The following UGT1A10 variants were observed in gnomAD, a reference collection of about 807,000 sequenced individuals.
The protein encoded by UGT1A10 is UDP glucuronosyltransferase family 1 member A10.
UGT1A10 carries 49 observed loss-of-function variants against 45.8 expected under a neutral mutation model. The ratio of observed to expected loss-of-function variants is 1.07; its 90% CI spans 0.85 to 1.36. UGT1A10 has a LOEUF of 1.36. Ranked by LOEUF, UGT1A10 falls within the 40% of genes most tolerant of loss-of-function variation. The pLI is 0.00. For missense variants in UGT1A10, 745 were observed against 668.6 expected, an observed-to-expected ratio of 1.11 and a Z score of -1.26; for synonymous variants, 284 against 249.7, an observed-to-expected ratio of 1.14 and a Z score of -1.29.
At chr2:233,715,608 C>T (rs944774331) in intron 1 of UGT1A10, among the ~76,000 whole-genome samples, 2 of 151,816 alleles carry the variant, frequency 1.3e-5, no homozygotes, top group Non-Finnish European at 2.9e-5. Flanking sequence ...TCCATCTCTA[C>T]AAAAAATTAA....
intron 1 of UGT1A10, among the ~76,000 whole-genome samples, chr2:233,683,627 A>G (rs1205357250): frequency 2.0e-5 from 3 of 152,166 alleles, no homozygotes; most frequent in South Asian, 4.1e-4. Flanking sequence ...TTTTATTTCC[A>G]TAAATAAAAT....
chr2:233,765,404 C>T (rs746281443), intron 1 of UGT1A10, among the ~76,000 whole-genome samples: 4 of 152,166 alleles, frequency 2.6e-5, no homozygotes, highest in Non-Finnish European at 2.9e-5. Flanking sequence ...GGTACATATA[C>T]ACCATGGAAT....
chr2:233,709,769 A>G (rs1412530011), intron 1 of UGT1A10, among the ~76,000 whole-genome samples: 2 of 152,208 alleles, frequency 1.3e-5, no homozygotes, highest in African/African-American at 4.8e-5. Flanking sequence ...TATTATTTAC[A>G]TGCAATAAAG....
At position 233,693,383 on chromosome 2, in the gene UGT1A10, C is replaced by G. The variant is rs201638322; in HGVS notation, c.855+56006C>G. On this transcript the variant is annotated intron_variant, in intron 1 of 4. Transcript: ENST00000344644. ...TATTGGCCTGTACTTCATCAACTGC[C>G]AGAGCCTCCTGCAGGACAGGGACAC... 12 of 1,614,036 alleles carry G rather than the reference C, an allele frequency of 7.4e-6. No homozygotes were observed. The African/African-American group carries it at 1.2e-4, about 16-fold the overall frequency.
chr2:233,729,675 G>A, intron 1 of UGT1A10: 1 of 1,613,858 alleles, frequency 6.2e-7, no homozygotes, highest in Non-Finnish European at 8.5e-7. Flanking sequence ...TAGACTTTAA[G>A]GGCACACAGT....
At chr2:233,760,797 C>T in intron 1 of UGT1A10, 1 of 1,613,492 alleles carries the variant, frequency 6.2e-7, no homozygotes, top group Non-Finnish European at 8.5e-7. Context: ...CCACTGTATT[C>T]TTCTTGCATG....
chr2:233,731,132 CTA>C (rs1206897988), intron 1 of UGT1A10, among the ~76,000 whole-genome samples: 3 of 152,006 alleles, frequency 2.0e-5, no homozygotes, highest in African/African-American at 7.3e-5. Flanking sequence ...GCAAAAGACT[CTA>C]AGCTTCATTT....
Position 233,650,859 on chromosome 2 carries a change from T to C in UGT1A10, c.855+13482T>C, listed in dbSNP as rs536343318. On this transcript the variant is annotated intron_variant, in intron 1 of 4. Coordinates refer to ENST00000344644, the MANE Select transcript of UGT1A10 (RefSeq NM_019075.4). Reference sequence around the variant, plus strand: ...ATCCATGCTTAAGTTTTTCATAATATGAATTTTCATGAATTGTTTGATGAT... The same window carrying C: ...ATCCATGCTTAAGTTTTTCATAATACGAATTTTCATGAATTGTTTGATGAT... Among the ~76,000 whole-genome samples the C allele has an allele frequency of 2.0e-5, 3 of 152,338 alleles. No individual in the cohort carries two copies. In the East Asian group the frequency reaches 5.8e-4, roughly 29 times the overall value.
intron 1 of UGT1A10, chr2:233,761,020 C>T (rs1412278754): frequency 9.9e-6 from 16 of 1,614,116 alleles, no homozygotes; most frequent in Non-Finnish European, 1.4e-5. Context: ...GGTGACTGTC[C>T]AGGACCTATT....
At chr2:233,690,786 C>T (rs999720926) in intron 1 of UGT1A10, 1 of 1,139,282 alleles carries the variant, frequency 8.8e-7, no homozygotes, top group Non-Finnish European at 1.1e-6. Context: ...TACACACACA[C>T]ACACACACAC....
At chr2:233,744,266 A>G (rs1300904192) in intron 1 of UGT1A10, among the ~76,000 whole-genome samples, 1 of 151,778 alleles carries the variant, frequency 6.6e-6, no homozygotes, top group Admixed American at 6.5e-5. Flanking sequence ...GTTTTTCTTA[A>G]AGTAGGCTTT....
intron 1 of UGT1A10, among the ~76,000 whole-genome samples, chr2:233,665,803 C>G (rs1010516018): frequency 1.3e-5 from 2 of 152,140 alleles, no homozygotes; most frequent in Non-Finnish European, 1.5e-5. Context: ...AAATACCCAA[C>G]AGTGGAGTAG....
At chr2:233,689,483 A>G (rs936155198) in intron 1 of UGT1A10, among the ~76,000 whole-genome samples, 5 of 152,240 alleles carry the variant, frequency 3.3e-5, no homozygotes, top group Admixed American at 1.3e-4. Flanking sequence ...ACAAGAAGAA[A>G]TCGCAAATCA....
intron 1 of UGT1A10, among the ~76,000 whole-genome samples, chr2:233,698,410 C>T (rs1360939662): frequency 2.6e-5 from 4 of 151,926 alleles, no homozygotes; most frequent in South Asian, 4.2e-4. Context: ...GTGACTTCAT[C>T]GCAATAAATT....
intron 1 of UGT1A10, chr2:233,682,510 C>T: frequency 6.2e-7 from 1 of 1,613,930 alleles, no homozygotes; most frequent in Non-Finnish European, 8.5e-7. Flanking sequence ...CCTATGTCCC[C>T]AGACTTCTCT....
intron 1 of UGT1A10, chr2:233,671,898 A>G: frequency 6.4e-7 from 1 of 1,571,370 alleles, no homozygotes; most frequent in Middle Eastern, 1.7e-4. Context: ...ATAGGAGCTT[A>G]GATTCCCAGC....
chr2:233,772,383 C>T lies in UGT1A10; in HGVS notation c.1417C>T (p.Pro473Ser). The T allele has an allele frequency of 1.2e-6, 2 of 1,614,238 alleles. No individual in the cohort carries two copies. The highest frequency in any genetic ancestry group is 1.3e-5 in the African/African-American group (1 of 75,068). The change falls in exon 5 of 5, where the codon CCC becomes TCC. Residue 473 changes from proline (P) to serine (S), a missense_variant. Transcript: ENST00000344644. ...MRHKGAPHLR[P>S]AAHDLTWYQY... Reference sequence around the variant, plus strand: ...GCACAAGGGCGCGCCACACCTGCGCCCCGCAGCCCACGACCTCACCTGGTA... The same window carrying T: ...GCACAAGGGCGCGCCACACCTGCGCTCCGCAGCCCACGACCTCACCTGGTA...
Position 233,636,887 on chromosome 2 carries a change from C to T in UGT1A10, c.365C>T (p.Ser122Leu), listed in dbSNP as rs145610800. The T allele has an allele frequency of 8.1e-6, 13 of 1,613,696 alleles. No individual in the cohort carries two copies. In the African/African-American group the frequency reaches 1.1e-4, roughly 13 times the overall value. Residue 122 changes from serine (S) to leucine (L), a missense_variant, in exon 1 of 5, where the codon TCG (serine) becomes TTG (leucine). Physicochemically the swap from Ser to Leu is moderately radical, Grantham distance 145. Transcript: ENST00000344644. ...AGTGGTTTTCTTGACTTATTTTTTT[C>T]GCATTGCAGGAGTTTGTTTAATGAC... ...SSSGFLDLFFSHCRSLFNDRK... is the reference protein window; with the variant it reads ...SSSGFLDLFFLHCRSLFNDRK...
intron 1 of UGT1A10, among the ~76,000 whole-genome samples, chr2:233,700,073 G>A (rs2075542288): frequency 6.6e-6 from 1 of 152,184 alleles, no homozygotes; most frequent in African/African-American, 2.4e-5. Context: ...TGTCTACCCA[G>A]CAAGGCCCCC....
Sources: gnomAD v4.1 joint callset for allele counts (sites outside exome capture counted in the v4.1 genomes callset) on GRCh38, gnomAD v4.1.1 for gene constraint, MANE v1.5 for transcripts, NCBI Gene and HGNC (gene_info 2026-07-23, HGNC 2026-07-21) for gene names.